HEMK2: variants seen among roughly 807,000 people sequenced by gnomAD.
The protein encoded by HEMK2 is HemK methyltransferase 2, ETF1 glutamine and histone H4 lysine, also known as methyltransferase HEMK2.
At chr21:28,769,426 C>T in the HEMK2 span, among the ~76,000 whole-genome samples, 1 of 152,092 alleles carries the variant, frequency 6.6e-6, no homozygotes, top group African/African-American at 2.4e-5. Flanking sequence ...TTCAGCAAAG[C>T]ATAATGAATC....
the HEMK2 span, among the ~76,000 whole-genome samples, chr21:28,633,424 C>T: frequency 6.6e-6 from 1 of 152,134 alleles, no homozygotes; most frequent in Non-Finnish European, 1.5e-5. Flanking sequence ...TAAAAGCACA[C>T]AGGGCAATTC....
At chr21:28,582,410 T>C in the HEMK2 span, among the ~76,000 whole-genome samples, 11 of 152,146 alleles carry the variant, frequency 7.2e-5, no homozygotes, top group African/African-American at 2.7e-4. Context: ...GAATTGAAAC[T>C]TCCACTTAAA....
At chr21:28,587,270 C>T in the HEMK2 span, among the ~76,000 whole-genome samples, 1 of 151,732 alleles carries the variant, frequency 6.6e-6, no homozygotes, top group East Asian at 1.9e-4. Context: ...TGATGTTTCC[C>T]TTGGAAGATT....
the HEMK2 span, among the ~76,000 whole-genome samples, chr21:28,785,082 G>A: frequency 6.6e-6 from 1 of 152,122 alleles, no homozygotes; most frequent in Non-Finnish European, 1.5e-5. Context: ...TCACCACGAA[G>A]GTCTGCAGCT....
chr21:28,679,713 G>C, the HEMK2 span, among the ~76,000 whole-genome samples: 50,279 of 151,744 alleles, frequency 0.33, 9,508 homozygotes, highest in African/African-American at 0.51. Flanking sequence ...TCAGACCACA[G>C]TGCAATCGAA....
the HEMK2 span, among the ~76,000 whole-genome samples, chr21:28,773,970 G>A: frequency 6.6e-6 from 1 of 152,122 alleles, no homozygotes; most frequent in African/African-American, 2.4e-5. Context: ...AAGCCACAAT[G>A]TAAGAATAGA....
chr21:28,674,028 C>T, the HEMK2 span, among the ~76,000 whole-genome samples: 8 of 152,178 alleles, frequency 5.3e-5, 1 homozygote, highest in Middle Eastern at 3.4e-3. Context: ...GGATGAGATA[C>T]GAAGTCAGCA....
At chr21:28,593,124 A>G in the HEMK2 span, among the ~76,000 whole-genome samples, 10,515 of 152,218 alleles carry the variant, frequency 0.069, 426 homozygotes, top group South Asian at 0.13. Flanking sequence ...TGAACCCGGG[A>G]GGTGGAGGTT....
chr21:28,724,954 G>T, the HEMK2 span, among the ~76,000 whole-genome samples: 1 of 151,848 alleles, frequency 6.6e-6, no homozygotes, highest in Non-Finnish European at 1.5e-5. Flanking sequence ...CTAATTTTTT[G>T]AATTTTTTTG....
chr21:28,872,030 T>C, the HEMK2 span, among the ~76,000 whole-genome samples: 1 of 152,188 alleles, frequency 6.6e-6, no homozygotes, highest in Non-Finnish European at 1.5e-5. Context: ...TAGGAGCATA[T>C]TCACAGGTTT....
the HEMK2 span, among the ~76,000 whole-genome samples, chr21:28,667,527 T>C: frequency 1.3e-5 from 2 of 152,200 alleles, no homozygotes; most frequent in African/African-American, 2.4e-5. Flanking sequence ...TAGGTGGAAA[T>C]CAGACTGCTT....
chr21:28,767,549 T>C, the HEMK2 span, among the ~76,000 whole-genome samples: 20 of 148,478 alleles, frequency 1.3e-4, no homozygotes, highest in East Asian at 8.2e-4. Context: ...CGTTAAACAA[T>C]TGGCAAGAGC....
chr21:28,787,154 AG>A, the HEMK2 span, among the ~76,000 whole-genome samples: 15 of 152,366 alleles, frequency 9.8e-5, no homozygotes, highest in Admixed American at 9.8e-4. Flanking sequence ...ATAATTGGCT[AG>A]CCACATGTAG....
chr21:28,741,027 G>A, the HEMK2 span, among the ~76,000 whole-genome samples: 3 of 152,034 alleles, frequency 2.0e-5, no homozygotes, highest in Admixed American at 2.0e-4. Context: ...TTTCTGTTTG[G>A]TTAATATACA....
the HEMK2 span, among the ~76,000 whole-genome samples, chr21:28,785,916 A>G: frequency 2.0e-5 from 3 of 152,196 alleles, no homozygotes; most frequent in East Asian, 5.8e-4. Flanking sequence ...ACTCATACTC[A>G]TGTCTTATTT....
the HEMK2 span, among the ~76,000 whole-genome samples, chr21:28,831,241 T>C: frequency 2.6e-5 from 4 of 151,666 alleles, no homozygotes; most frequent in Non-Finnish European, 4.4e-5. Context: ...GGTCAGCAGT[T>C]CAAGACCAGC....
At chr21:28,718,580 T>C in the HEMK2 span, among the ~76,000 whole-genome samples, 3 of 151,382 alleles carry the variant, frequency 2.0e-5, no homozygotes, top group African/African-American at 7.3e-5. Flanking sequence ...GAAGTACTTG[T>C]TTTATGAATC....
chr21:28,681,115 C>G, the HEMK2 span, among the ~76,000 whole-genome samples: 1 of 152,064 alleles, frequency 6.6e-6, no homozygotes, highest in African/African-American at 2.4e-5. Context: ...TCAAATTGTC[C>G]CTGTTTGCAG....
the HEMK2 span, among the ~76,000 whole-genome samples, chr21:28,630,160 C>A: frequency 6.6e-6 from 1 of 150,668 alleles, no homozygotes; most frequent in Non-Finnish European, 1.5e-5. Context: ...AGTTATAAAG[C>A]TTAATTAATC....
Sources: allele counts gnomAD v4.1 joint callset (sites outside exome capture counted in the v4.1 genomes callset), GRCh38; gene constraint gnomAD v4.1.1; transcripts MANE v1.5; gene names NCBI Gene and HGNC (gene_info 2026-07-23, HGNC 2026-07-21).